The following RIT2 variants were observed in gnomAD, a reference collection of about 807,000 sequenced individuals.
The protein encoded by RIT2 is Ras like without CAAX 2.
In RIT2, 24 loss-of-function variants were observed where a neutral mutation model predicts 23.7. That is an observed-to-expected ratio of 1.01 (90% confidence interval 0.73 to 1.43). RIT2 has a LOEUF of 1.43. Ranked by LOEUF, RIT2 falls within the 40% of genes most tolerant of loss-of-function variation. The probability of loss-of-function intolerance (pLI) is 0.00; values close to 1 mark genes in which losing one functional copy is unlikely to be tolerated. For synonymous variants in RIT2, 107 were observed against 91.1 expected (o/e 1.17, Z -0.99); for missense variants, 236 against 266.9 (o/e 0.88, Z 0.81).
chr18:42,913,169 A>G (rs1390989112), intron 4 of RIT2, among the ~76,000 whole-genome samples: 1 of 150,308 alleles, frequency 6.7e-6, no homozygotes, highest in Non-Finnish European at 1.5e-5. Flanking sequence ...TCAATAAATG[A>G]TGCTGGAGCA....
At chr18:42,805,354 A>G (rs1905653525) in intron 4 of RIT2, among the ~76,000 whole-genome samples, 1 of 152,212 alleles carries the variant, frequency 6.6e-6, no homozygotes, top group African/African-American at 2.4e-5. Flanking sequence ...AATATGTTGC[A>G]AGATATTATT....
intron 1 of RIT2, among the ~76,000 whole-genome samples, chr18:43,058,818 G>A (rs1912571085): frequency 6.6e-6 from 1 of 152,090 alleles, no homozygotes; most frequent in Admixed American, 6.5e-5. Context: ...GAGCCTGGGA[G>A]GTCGAGACTG....
At chr18:42,936,595 G>A (rs370780017) in intron 3 of RIT2, among the ~76,000 whole-genome samples, 86 of 152,238 alleles carry the variant, frequency 5.6e-4, no homozygotes, top group Middle Eastern at 3.4e-3. Flanking sequence ...TCATTCTGTG[G>A]TCTCTATCTT....
chr18:43,068,955 TG>T (rs1281761175), intron 1 of RIT2, among the ~76,000 whole-genome samples: 1 of 152,122 alleles, frequency 6.6e-6, no homozygotes, highest in Non-Finnish European at 1.5e-5. Flanking sequence ...TGGGACTTGC[TG>T]GGCTGCATTC....
chr18:42,822,657 T>C (rs1469342868), intron 4 of RIT2, among the ~76,000 whole-genome samples: 1 of 151,970 alleles, frequency 6.6e-6, no homozygotes. Context: ...AGAACCTTCC[T>C]AAAACTGTGC....
intron 3 of RIT2, among the ~76,000 whole-genome samples, chr18:42,936,884 T>C (rs1909472868): frequency 1.3e-5 from 2 of 151,974 alleles, no homozygotes; most frequent in South Asian, 4.1e-4. Flanking sequence ...TTGTGGTGCA[T>C]GCCTGTAACC....
At chr18:42,781,780 C>A (rs1167516724) in intron 4 of RIT2, among the ~76,000 whole-genome samples, 1 of 152,116 alleles carries the variant, frequency 6.6e-6, no homozygotes, top group East Asian at 1.9e-4. Context: ...GAGAGATAAG[C>A]AAGGATAAGG....
At chr18:43,010,231 A>G (rs1466179559) in intron 2 of RIT2, among the ~76,000 whole-genome samples, 1 of 151,816 alleles carries the variant, frequency 6.6e-6, no homozygotes, top group Non-Finnish European at 1.5e-5. Flanking sequence ...AAATTCTTAT[A>G]ATGAGCCGTT....
intron 4 of RIT2, among the ~76,000 whole-genome samples, chr18:42,892,505 T>C (rs1273885991): frequency 3.3e-5 from 5 of 152,186 alleles, no homozygotes; most frequent in Non-Finnish European, 7.3e-5. Flanking sequence ...TCTGCATTAC[T>C]AAATTGTTTT....
At chr18:42,815,830 G>C (rs968073829) in intron 4 of RIT2, among the ~76,000 whole-genome samples, 13 of 152,018 alleles carry the variant, frequency 8.6e-5, no homozygotes, top group African/African-American at 3.1e-4. Flanking sequence ...TAGCAATCAG[G>C]GATACAATAG....
chr18:42,789,910 G>T (rs1023697686), intron 4 of RIT2, among the ~76,000 whole-genome samples: 2 of 152,140 alleles, frequency 1.3e-5, no homozygotes, highest in Non-Finnish European at 2.9e-5. Context: ...AGTTTTTAGA[G>T]GGAATGCTTT....
chr18:42,746,900 C>T (rs1835501), intron 4 of RIT2, among the ~76,000 whole-genome samples: 20,450 of 151,990 alleles, frequency 0.13, 1,574 homozygotes, highest in East Asian at 0.23. Context: ...AAGGGACCTG[C>T]CTTACTGTAA....
At chr18:42,781,148 G>T (rs1913802795) in intron 4 of RIT2, among the ~76,000 whole-genome samples, 1 of 150,140 alleles carries the variant, frequency 6.7e-6, no homozygotes, top group African/African-American at 2.5e-5. Context: ...AATCCACTCT[G>T]AAAATAATGA....
At chr18:43,070,508 G>T (rs1001497591) in intron 1 of RIT2, among the ~76,000 whole-genome samples, 1 of 152,156 alleles carries the variant, frequency 6.6e-6, no homozygotes, top group Non-Finnish European at 1.5e-5. Context: ...GAAACAAACA[G>T]CAAAGTGCCA....
chr18:43,033,815 A>G lies in RIT2; in HGVS notation c.156T>C (p.Thr52=). 2 of 1,605,886 alleles carry G rather than the reference A, an allele frequency of 1.2e-6. No individual in the cohort carries two copies. Among genetic ancestry groups the G allele is most frequent in the Non-Finnish European group, 1.7e-6 (2 of 1,173,138 alleles). The change falls in exon 2 of 5, where the codon ACT becomes ACC. Residue 52 remains threonine, a synonymous_variant. Coordinates refer to ENST00000326695, the MANE Select transcript of RIT2 (RefSeq NM_002930.4). Reference sequence around the variant, plus strand: ...AGAAAGGAAGCTTCCACTTACCTATAGTAGGGTCATGATAATCAGGGAACT... The same window carrying G: ...AGAAAGGAAGCTTCCACTTACCTATGGTAGGGTCATGATAATCAGGGAACT... ...SHQFPDYHDP[T]IEDAYKTQVR...
chr18:43,083,358 T>A (rs1913203749), intron 1 of RIT2, among the ~76,000 whole-genome samples: 1 of 152,152 alleles, frequency 6.6e-6, no homozygotes, highest in Non-Finnish European at 1.5e-5. Flanking sequence ...TTGACTTTCT[T>A]CACAGAATTA....
chr18:42,954,706 T>C (rs553969284), intron 3 of RIT2, among the ~76,000 whole-genome samples: 1 of 152,278 alleles, frequency 6.6e-6, no homozygotes, highest in Admixed American at 6.5e-5. Context: ...GATTTGTACA[T>C]ACAACGTAGC....
intron 4 of RIT2, among the ~76,000 whole-genome samples, chr18:42,834,164 G>A (rs1353741903): frequency 2.0e-5 from 3 of 152,054 alleles, no homozygotes; most frequent in Non-Finnish European, 2.9e-5. Context: ...CAAACAAAAG[G>A]CAAAAACTCA....
intron 2 of RIT2, among the ~76,000 whole-genome samples, chr18:42,988,909 C>A (rs1910775871): frequency 6.6e-6 from 1 of 152,206 alleles, no homozygotes; most frequent in Non-Finnish European, 1.5e-5. Context: ...GGGCAGCAAT[C>A]TGCTGAAGAG....
Sources: allele counts gnomAD v4.1 joint callset (sites outside exome capture counted in the v4.1 genomes callset), GRCh38; gene constraint gnomAD v4.1.1; transcripts MANE v1.5; gene names NCBI Gene and HGNC (gene_info 2026-07-23, HGNC 2026-07-21).